NR1I2: variants seen among roughly 807,000 people sequenced by gnomAD.
The protein encoded by NR1I2 is nuclear receptor subfamily 1 group I member 2.
In NR1I2, 42 loss-of-function variants were observed where a neutral mutation model predicts 43.3. That is an observed-to-expected ratio of 0.97 (90% confidence interval 0.76 to 1.26). NR1I2 has a LOEUF of 1.26. NR1I2 is among the 50% of genes most tolerant of loss of function. The pLI, the probability that NR1I2 is intolerant of heterozygous loss-of-function variation, is 0.00. For missense variants in NR1I2, 559 were observed against 566.7 expected (o/e 0.99, Z 0.14); for synonymous variants, 229 against 215.0 (o/e 1.06, Z -0.57).
At chr3:119,790,945 G>T (rs2054909640) in intron 1 of NR1I2, among the ~76,000 whole-genome samples, 1 of 152,160 alleles carries the variant, frequency 6.6e-6, no homozygotes, top group African/African-American at 2.4e-5. Flanking sequence ...GAGTGTCCCT[G>T]AGCACCGTAC....
At chr3:119,799,985 A>ACAAAC (rs1553717730) in intron 1 of NR1I2, among the ~76,000 whole-genome samples, 1 of 142,402 alleles carries the variant, frequency 7.0e-6, no homozygotes, top group East Asian at 2.0e-4. Flanking sequence ...CAAACAAACA[A>ACAAAC]ACACACACAC....
At position 119,815,782 on chromosome 3, in the gene NR1I2, A is replaced by T; in HGVS notation, c.1111A>T (p.Ile371Phe). The T allele has an allele frequency of 1.2e-6, 2 of 1,613,800 alleles. No individual in the cohort carries two copies. The highest frequency in any genetic ancestry group is 1.7e-6 in the Non-Finnish European group (2 of 1,179,902). ...GGACCAGCTGCAGGAGCAATTCGCCATTACTCTGAAGTCCTACATTGAATG... is the reference window on the plus strand; with the variant it reads ...GGACCAGCTGCAGGAGCAATTCGCCTTTACTCTGAAGTCCTACATTGAATG... Residue 371 changes from isoleucine (I) to phenylalanine (F), a missense_variant, in exon 8 of 9, where the codon ATT (isoleucine) becomes TTT (phenylalanine). By Grantham distance (21) the Ile-to-Phe change is conservative (BLOSUM62 0). Transcript: ENST00000393716.
intron 2 of NR1I2, among the ~76,000 whole-genome samples, chr3:119,809,416 A>G (rs982808930): frequency 4.6e-5 from 7 of 151,818 alleles, no homozygotes; most frequent in Non-Finnish European, 8.8e-5. Context: ...TTTGCCCCCT[A>G]GGTCAACGAG....
chr3:119,799,985 A>AC (rs1553717730), intron 1 of NR1I2, among the ~76,000 whole-genome samples: 1,640 of 142,474 alleles, frequency 0.012, 35 homozygotes, highest in African/African-American at 0.04. Context: ...CAAACAAACA[A>AC]ACACACACAC....
intron 1 of NR1I2, among the ~76,000 whole-genome samples, chr3:119,783,953 T>C (rs1020383291): frequency 5.3e-5 from 8 of 152,228 alleles, no homozygotes; most frequent in African/African-American, 1.2e-4. Flanking sequence ...CAGTGTACAC[T>C]TCTTTTATTT....
At position 119,798,144 on chromosome 3, in the gene NR1I2, C is replaced by T. The variant is rs534398411; in HGVS notation, c.-22-9085C>T. Among the ~76,000 whole-genome samples, 9 of 152,206 alleles carry T rather than the reference C, an allele frequency of 5.9e-5. No homozygotes were observed. The South Asian group carries it at 6.2e-4, about 11-fold the overall frequency. ...ATTGCTTCTGTCCGATTCTTGTGTC[C>T]GTAACATATGTTAGGCTATTTCACT... On this transcript the variant is annotated intron_variant, in intron 1 of 8. Coordinates refer to ENST00000393716, the MANE Select transcript of NR1I2 (RefSeq NM_003889.4).
rs141599641 is a variant in NR1I2 at position 119,812,905 on chromosome 3, T to C, written c.739T>C (p.Ser247Pro). 5.6e-6 allele frequency: 9 copies of C among 1,613,990 alleles called. No individual in the cohort carries two copies. The highest frequency in any genetic ancestry group is 1.6e-4 in the Middle Eastern group (1 of 6,082). The change falls in exon 5 of 9, where the codon TCA (serine) becomes CCA (proline). Residue 247 changes from serine to proline, a missense_variant. Physicochemically the swap from Ser to Pro is moderately conservative, Grantham distance 74. Coordinates refer to ENST00000393716, the MANE Select transcript of NR1I2 (RefSeq NM_003889.4). ...CCTGCTGCCCCACATGGCTGACATG[T>C]CAACCTACATGTTCAAAGGCATCAT...
At chr3:119,805,717 C>CCCCCCA (rs561350711) in intron 1 of NR1I2, among the ~76,000 whole-genome samples, 27 of 96,666 alleles carry the variant, frequency 2.8e-4, no homozygotes, top group Non-Finnish European at 4.7e-4. Context: ...TCCCCCCCAC[C>CCCCCCA]AAAAAAAAAA....
At chr3:119,801,827 T>C (rs1486884754) in intron 1 of NR1I2, among the ~76,000 whole-genome samples, 1 of 152,152 alleles carries the variant, frequency 6.6e-6, no homozygotes, top group African/African-American at 2.4e-5. Flanking sequence ...CATCTGCTGT[T>C]TGGTGAGGGC....
intron 1 of NR1I2, among the ~76,000 whole-genome samples, chr3:119,793,957 T>G (rs2054958075): frequency 6.6e-6 from 1 of 152,254 alleles, no homozygotes; most frequent in South Asian, 2.1e-4. Context: ...CTTTTCTCAT[T>G]CTTTCTTACA....
intron 1 of NR1I2, among the ~76,000 whole-genome samples, chr3:119,805,509 C>G (rs887386477): frequency 6.6e-6 from 1 of 152,036 alleles, no homozygotes; most frequent in South Asian, 2.1e-4. Context: ...TTGAGAACAG[C>G]CTGACCAACA....
chr3:119,793,240 T>C (rs927901240), intron 1 of NR1I2, among the ~76,000 whole-genome samples: 1 of 152,086 alleles, frequency 6.6e-6, no homozygotes, highest in Admixed American at 6.5e-5. Context: ...TTTGTAGCAA[T>C]ACAAAATGGA....
intron 1 of NR1I2, among the ~76,000 whole-genome samples, chr3:119,793,313 A>G (rs2107952474): frequency 6.6e-6 from 1 of 152,300 alleles, no homozygotes; most frequent in Admixed American, 6.5e-5. Flanking sequence ...TCTTCTAGCC[A>G]AAGTCCACTT....
chr3:119,800,204 G>A (rs2055059876), intron 1 of NR1I2, among the ~76,000 whole-genome samples: 1 of 152,014 alleles, frequency 6.6e-6, no homozygotes, highest in Non-Finnish European at 1.5e-5. Flanking sequence ...AATTCATCTT[G>A]CATGTGAATA....
chr3:119,813,527 T>G (rs1034900242), intron 5 of NR1I2, among the ~76,000 whole-genome samples: 3 of 152,034 alleles, frequency 2.0e-5, no homozygotes, highest in African/African-American at 7.2e-5. Flanking sequence ...ATGTGTGCAG[T>G]CGTAGGATTA....
At chr3:119,790,534 A>G (rs1403526) in intron 1 of NR1I2, among the ~76,000 whole-genome samples, 53,301 of 152,048 alleles carry the variant, frequency 0.35, 9,819 homozygotes, top group African/African-American at 0.42. Flanking sequence ...CCTGAGTCCA[A>G]GGTTCCCATT....
intron 7 of NR1I2, 112 bp downstream of exon 7, chr3:119,815,551 G>T (rs2055313415): frequency 1.9e-6 from 2 of 1,071,958 alleles, no homozygotes; most frequent in Non-Finnish European, 1.4e-6. Flanking sequence ...CAGGATGGGG[G>T]CTCTCGCTGG....
At chr3:119,787,017 G>T (rs940978304) in intron 1 of NR1I2, among the ~76,000 whole-genome samples, 1 of 152,156 alleles carries the variant, frequency 6.6e-6, no homozygotes, top group Non-Finnish European at 1.5e-5. Flanking sequence ...GCCAGGCATG[G>T]TGGATCATGC....
At chr3:119,816,980 G>T (rs2055338260) in intron 8 of NR1I2, 88 bp from the exon 9 acceptor site, 1 of 1,557,884 alleles carries the variant, frequency 6.4e-7, no homozygotes, top group Non-Finnish European at 8.8e-7. Context: ...AATGTCCAGA[G>T]ATTATGCTTG....
Sources: allele counts gnomAD v4.1 joint callset (sites outside exome capture counted in the v4.1 genomes callset), GRCh38; gene constraint gnomAD v4.1.1; transcripts MANE v1.5; gene names NCBI Gene and HGNC (gene_info 2026-07-23, HGNC 2026-07-21).